Variants in CEP128 observed in about 807,000 individuals in gnomAD.
The protein encoded by CEP128 is centrosomal protein 128, also known as centrosomal protein 128kDa.
CEP128 carries 132 observed loss-of-function variants against 156.7 expected under a neutral mutation model. The ratio of observed to expected loss-of-function variants is 0.84; its 90% confidence interval spans 0.73 to 0.97. CEP128 has a LOEUF of 0.97. Ranked by LOEUF, CEP128 falls within the 50% of genes least tolerant of loss-of-function variation. The pLI is 0.00. For synonymous variants in CEP128, 469 were observed against 448.9 expected (o/e 1.04, Z -0.57); for missense variants, 1,252 against 1,281.9 (o/e 0.98, Z 0.36).
chr14:80,926,378 C>T (rs558955738), intron 2 of CEP128, among the ~76,000 whole-genome samples: 2 of 152,252 alleles, frequency 1.3e-5, no homozygotes, highest in South Asian at 2.1e-4. Flanking sequence ...TACTGCCACC[C>T]GCTACCACAC....
intron 9 of CEP128, among the ~76,000 whole-genome samples, chr14:80,849,690 G>A (rs1356566280): frequency 1.3e-5 from 2 of 152,002 alleles, no homozygotes; most frequent in African/African-American, 4.8e-5. Flanking sequence ...GAAACACAAT[G>A]AGTCATGAGA....
rs1887518595 is a variant in CEP128, at chr14:80,496,956, C to A, written c.*523G>T. 6.6e-6 allele frequency: 1 copy of A among 152,336 alleles called. No individual in the cohort carries two copies. Among genetic ancestry groups the A allele is most frequent in the African/African-American group, 2.4e-5 (1 of 41,428 alleles). 9.4% of individuals were successfully genotyped at this position (152,336 alleles called of 1,614,324 possible). On this transcript the variant is annotated 3_prime_UTR_variant, in exon 25 of 25. Coordinates refer to ENST00000555265, the MANE Select transcript of CEP128 (RefSeq NM_152446.5). ...CTGTTAAGATGATAGATATAAAAGT[C>A]CTGAGCATTTATAAAGTGGACTGTC...
intron 13 of CEP128, among the ~76,000 whole-genome samples, chr14:80,795,960 A>G (rs1159916431): frequency 6.6e-6 from 1 of 152,184 alleles, no homozygotes; most frequent in Non-Finnish European, 1.5e-5. Flanking sequence ...GATTTTAAAA[A>G]ATAAAGAAAA....
At chr14:80,495,747 C>T (rs1036482525), downstream of CEP128, among the ~76,000 whole-genome samples, 3 of 151,934 alleles carry the variant, frequency 2.0e-5, no homozygotes, top group Non-Finnish European at 4.4e-5. Context: ...CATGAAGGCC[C>T]TACTAATACA....
intron 9 of CEP128, among the ~76,000 whole-genome samples, chr14:80,853,766 T>A (rs549080276): frequency 2.0e-5 from 3 of 151,882 alleles, no homozygotes; most frequent in African/African-American, 7.2e-5. Context: ...CTATAATAAT[T>A]AAGAAAGAAT....
In CEP128 at chr14:80,564,420, TC is replaced by T. The variant is rs1034615059; in HGVS notation, c.2857-5119del. Among the ~76,000 whole-genome samples the T allele has an allele frequency of 3.3e-5, 5 of 152,214 alleles. No individual in the cohort carries two copies. In the East Asian group the frequency reaches 9.6e-4, roughly 29 times the overall value. On this transcript the variant is annotated intron_variant, in intron 20 of 24. Coordinates refer to ENST00000555265, the MANE Select transcript of CEP128 (RefSeq NM_152446.5). ...AAGGAGAAGCCATATGATATAGGAT[TC>T]CCTCAATATACAAATTATTTTGGGG...
At chr14:80,653,061 C>T (rs574614868) in intron 19 of CEP128, among the ~76,000 whole-genome samples, 17 of 152,090 alleles carry the variant, frequency 1.1e-4, no homozygotes, top group Non-Finnish European at 2.4e-4. Flanking sequence ...AGCTGGAAAC[C>T]ATCATTCTCA....
intron 19 of CEP128, among the ~76,000 whole-genome samples, chr14:80,644,093 G>A (rs1478058053): frequency 6.6e-6 from 1 of 152,152 alleles, no homozygotes; most frequent in Non-Finnish European, 1.5e-5. Context: ...GCAGCTGCAA[G>A]CCAAGTAACG....
In CEP128 at chr14:80,738,275, A is replaced by G. The variant is rs934092198; in HGVS notation, c.2806+4800T>C. Among the ~76,000 whole-genome samples the G allele has an allele frequency of 5.3e-5, 8 of 152,310 alleles. No homozygotes were observed. In the South Asian group the frequency reaches 1.7e-3, roughly 32 times the overall value. On this transcript the variant is annotated intron_variant, in intron 19 of 24. Coordinates refer to ENST00000555265, the MANE Select transcript of CEP128 (RefSeq NM_152446.5). ...AGAGTCCCTCCGTTATTTCTGTCCC[A>G]CAAATAAATTATAAGACATTATCCT...
intron 19 of CEP128, among the ~76,000 whole-genome samples, chr14:80,719,938 T>C (rs1897752196): frequency 6.6e-6 from 1 of 152,154 alleles, no homozygotes; most frequent in Non-Finnish European, 1.5e-5. Context: ...AGCATATATA[T>C]GCAAATAAAA....
At chr14:80,706,149 A>G (rs375951137) in intron 19 of CEP128, among the ~76,000 whole-genome samples, 5 of 152,166 alleles carry the variant, frequency 3.3e-5, no homozygotes, top group African/African-American at 9.6e-5. Flanking sequence ...TTCCCTCATC[A>G]ACCCTTTGGT....
At chr14:80,575,728 C>G (rs911115507) in intron 20 of CEP128, among the ~76,000 whole-genome samples, 4 of 152,158 alleles carry the variant, frequency 2.6e-5, no homozygotes, top group African/African-American at 9.7e-5. Flanking sequence ...CTAATCCTCT[C>G]AAGAGTCCTA....
chr14:80,489,411 T>A (rs1887248984), downstream of CEP128, among the ~76,000 whole-genome samples: 2 of 151,980 alleles, frequency 1.3e-5, no homozygotes, highest in South Asian at 4.2e-4. Flanking sequence ...TTCTGAACAC[T>A]CTCTATGGGT....
At chr14:80,831,585 C>T (rs74326275) in intron 12 of CEP128, among the ~76,000 whole-genome samples, 7,227 of 150,474 alleles carry the variant, frequency 0.048, 198 homozygotes, top group Middle Eastern at 0.061. Context: ...ATTTTCCTCA[C>T]ATCTCTACAC....
At chr14:80,576,568 C>T (rs931658486) in intron 20 of CEP128, among the ~76,000 whole-genome samples, 5 of 152,228 alleles carry the variant, frequency 3.3e-5, no homozygotes, top group East Asian at 1.9e-4. Flanking sequence ...GGCTCCACCC[C>T]CCCTGCCGTT....
chr14:80,584,649 G>C (rs190813691), intron 19 of CEP128, among the ~76,000 whole-genome samples: 1 of 152,144 alleles, frequency 6.6e-6, no homozygotes, highest in East Asian at 1.9e-4. Context: ...ACTGGGCATC[G>C]CTGAGAAGCA....
intron 6 of CEP128, among the ~76,000 whole-genome samples, chr14:80,901,917 T>TA (rs1312704913): frequency 5.3e-5 from 8 of 152,214 alleles, no homozygotes; most frequent in Admixed American, 2.0e-4. Context: ...TCAGCCCTGT[T>TA]ACACGGCTCT....
chr14:80,851,128 C>G (rs576599845), intron 9 of CEP128, among the ~76,000 whole-genome samples: 2 of 152,018 alleles, frequency 1.3e-5, no homozygotes, highest in Non-Finnish European at 2.9e-5. Flanking sequence ...CATTTGGAAA[C>G]GTCAATTTCT....
At chr14:80,695,372 G>A (rs1313853708) in intron 19 of CEP128, among the ~76,000 whole-genome samples, 1 of 152,168 alleles carries the variant, frequency 6.6e-6, no homozygotes, top group Non-Finnish European at 1.5e-5. Context: ...ATCAGTTGAA[G>A]ATGAAATGTG....
Sources: gnomAD v4.1 joint callset for allele counts (sites outside exome capture counted in the v4.1 genomes callset) on GRCh38, gnomAD v4.1.1 for gene constraint, MANE v1.5 for transcripts, NCBI Gene and HGNC (gene_info 2026-07-23, HGNC 2026-07-21) for gene names.